PTPRG: variants seen among roughly 807,000 people sequenced by gnomAD.
The protein encoded by PTPRG is receptor-type tyrosine-protein phosphatase gamma.
PTPRG carries 102 observed loss-of-function variants against 165.3 expected under a neutral mutation model. The observed-to-expected ratio is 0.62, with a 90% CI of 0.53 to 0.73. The LOEUF is 0.73. PTPRG is among the 30% of genes least tolerant of loss of function. The pLI is 0.00. For missense variants in PTPRG, 1,866 were observed against 1,861.4 expected (o/e 1.00, Z -0.05); for synonymous variants, 675 against 669.5 (o/e 1.01, Z -0.13).
intron 4 of PTPRG, among the ~76,000 whole-genome samples, chr3:62,063,460 G>A (rs556769088): frequency 2.2e-4 from 33 of 152,242 alleles, no homozygotes; most frequent in Admixed American, 6.5e-4. Flanking sequence ...TGATTCTCTG[G>A]TGTCCTTCTG....
At chr3:62,281,332 T>TTGC (rs1702426811) in intron 26 of PTPRG, among the ~76,000 whole-genome samples, 1 of 151,952 alleles carries the variant, frequency 6.6e-6, no homozygotes. Flanking sequence ...GTGTTTCAGG[T>TTGC]TGCTACACTA....
intron 17 of PTPRG, among the ~76,000 whole-genome samples, chr3:62,267,201 A>G (rs757591258): frequency 1.6e-4 from 25 of 152,206 alleles, no homozygotes; most frequent in Non-Finnish European, 3.7e-4. Context: ...ATAGTTTTAC[A>G]TGAGTTTGCA....
At chr3:61,970,277 C>G (rs1038502963) in intron 2 of PTPRG, among the ~76,000 whole-genome samples, 3 of 152,182 alleles carry the variant, frequency 2.0e-5, no homozygotes, top group African/African-American at 4.8e-5. Context: ...ATGTTCTGAC[C>G]TCTGTCTGTG....
chr3:61,916,458 T>C (rs1227172125), intron 2 of PTPRG, among the ~76,000 whole-genome samples: 4 of 152,170 alleles, frequency 2.6e-5, no homozygotes, highest in Non-Finnish European at 5.9e-5. Flanking sequence ...TTAAAATAAA[T>C]GATTTCTAGA....
intron 2 of PTPRG, among the ~76,000 whole-genome samples, chr3:61,792,669 TTTCTTTCTTTCTTTCTTTC>T (rs1366206333): frequency 0.015 from 1 of 66 alleles, no homozygotes; most frequent in Non-Finnish European, 0.031. Flanking sequence ...TTTTGTGGGT[TTTCTTTCTTTCTTTCTTTC>T]TTTCTTTCTT....
rs1259687591 is a variant in PTPRG, at chr3:61,921,154, T to TCCTTCCTTCCTTCTTA, written c.191-68462_191-68461insCTTCTTACCTTCCTTC. Among the ~76,000 whole-genome samples, 1,132 of 150,832 alleles carry TCCTTCCTTCCTTCTTA rather than the reference T, an allele frequency of 7.5e-3. 17 individuals carry two copies. Among genetic ancestry groups the TCCTTCCTTCCTTCTTA allele is most frequent in the South Asian group, 0.05 (230 of 4,642 alleles). ...TTCCTTCCTTCCTTCCTTCCTTCCT[T>TCCTTCCTTCCTTCTTA]CCTTCCTTCTTACCTATCTACAGCT... is the stretch of plus-strand genomic sequence containing the variant. On this transcript the variant is annotated intron_variant, in intron 2 of 29. Coordinates refer to ENST00000474889, the MANE Select transcript of PTPRG (RefSeq NM_002841.4).
rs1435051451 is a variant in PTPRG at position 61,738,317 on chromosome 3, T to C, written c.86-10561T>C. On this transcript the variant is annotated intron_variant, in intron 1 of 29. Coordinates refer to ENST00000474889, the MANE Select transcript of PTPRG (RefSeq NM_002841.4). ...ATATATATATATATATATATACATATATATATATATATATATATATGTATA... is the reference window on the plus strand; with the variant it reads ...ATATATATATATATATATATACATACATATATATATATATATATATGTATA... 6.8e-4 allele frequency among the ~76,000 whole-genome samples: 71 copies of C among 104,864 alleles called. 1 individual carries two copies. Among genetic ancestry groups the C allele is most frequent in the East Asian group, 2.5e-3 (8 of 3,158 alleles). 68.8% of individuals were successfully genotyped at this position (104,864 alleles called of 152,430 possible).
chr3:62,234,886 A>G (rs911592933), intron 14 of PTPRG, among the ~76,000 whole-genome samples: 2 of 152,084 alleles, frequency 1.3e-5, no homozygotes, highest in Non-Finnish European at 2.9e-5. Flanking sequence ...TTTTAATAGT[A>G]AATTCATTTG....
intron 4 of PTPRG, among the ~76,000 whole-genome samples, chr3:62,011,163 C>T (rs546517109): frequency 6.6e-6 from 1 of 152,192 alleles, no homozygotes; most frequent in African/African-American, 2.4e-5. Flanking sequence ...GGCCCTTAGA[C>T]TGAGCTGCTT....
intron 1 of PTPRG, among the ~76,000 whole-genome samples, chr3:61,646,998 C>T (rs184724970): frequency 2.4e-4 from 37 of 152,264 alleles, no homozygotes; most frequent in Admixed American, 1.1e-3. Flanking sequence ...TTTGTTTATC[C>T]GTTCATCTGT....
intron 2 of PTPRG, among the ~76,000 whole-genome samples, chr3:61,963,418 A>G (rs1418298492): frequency 6.6e-6 from 1 of 152,314 alleles, no homozygotes; most frequent in East Asian, 1.9e-4. Flanking sequence ...TCAGAAAAAG[A>G]TGCCATATAT....
intron 14 of PTPRG, among the ~76,000 whole-genome samples, chr3:62,231,598 G>C (rs1477009831): frequency 6.6e-6 from 1 of 152,094 alleles, no homozygotes; most frequent in East Asian, 1.9e-4. Context: ...CTCTATGTTT[G>C]TGTGTCTGTA....
intron 2 of PTPRG, among the ~76,000 whole-genome samples, chr3:61,959,100 T>A (rs1156582248): frequency 6.6e-6 from 1 of 152,220 alleles, no homozygotes; most frequent in Non-Finnish European, 1.5e-5. Context: ...TTGTTCTCTT[T>A]CATTAAGTAA....
intron 5 of PTPRG, among the ~76,000 whole-genome samples, chr3:62,078,754 C>T (rs1701475670): frequency 6.6e-6 from 1 of 152,138 alleles, no homozygotes; most frequent in African/African-American, 2.4e-5. Context: ...GAACTCTTAT[C>T]CTTCTGTCCT....
At chr3:61,788,495 T>C (rs1451484740) in intron 2 of PTPRG, among the ~76,000 whole-genome samples, 2 of 152,376 alleles carry the variant, frequency 1.3e-5, no homozygotes, top group East Asian at 3.9e-4. Context: ...TTTCTCACAA[T>C]GACAAATTCT....
At position 61,897,267 on chromosome 3, in the gene PTPRG, G is replaced by A. The variant is rs140862582; in HGVS notation, c.191-92358G>A. Among the ~76,000 whole-genome samples the A allele has an allele frequency of 7.6e-3, 1,153 of 152,076 alleles. 11 individuals are homozygous for A. Among genetic ancestry groups the A allele is most frequent in the African/African-American group, 0.026 (1,058 of 41,488 alleles). ...GATGATCCATTTTGAGTTAATGTTTGTATGAGGTGTGAGGTTTAGGCTGAT... is the reference window on the plus strand; with the variant it reads ...GATGATCCATTTTGAGTTAATGTTTATATGAGGTGTGAGGTTTAGGCTGAT... On this transcript the variant is annotated intron_variant, in intron 2 of 29. Coordinates refer to ENST00000474889, the MANE Select transcript of PTPRG (RefSeq NM_002841.4).
At chr3:61,644,800 C>T (rs1268370643) in intron 1 of PTPRG, among the ~76,000 whole-genome samples, 4 of 152,162 alleles carry the variant, frequency 2.6e-5, no homozygotes, top group Admixed American at 2.6e-4. Flanking sequence ...CTTTCTGTCT[C>T]TAGTTGCTTG....
At chr3:62,250,710 A>C (rs1414874432) in intron 15 of PTPRG, among the ~76,000 whole-genome samples, 1 of 152,114 alleles carries the variant, frequency 6.6e-6, no homozygotes, top group Admixed American at 6.5e-5. Flanking sequence ...TTTATTGCCT[A>C]CAGTGTTGCA....
intron 3 of PTPRG, among the ~76,000 whole-genome samples, chr3:61,997,723 C>T (rs1457851643): frequency 6.6e-6 from 1 of 152,200 alleles, no homozygotes; most frequent in Non-Finnish European, 1.5e-5. Flanking sequence ...GATTTACCCA[C>T]CTTTTTCTGC....
Sources: allele counts gnomAD v4.1 joint callset (sites outside exome capture counted in the v4.1 genomes callset), GRCh38; gene constraint gnomAD v4.1.1; transcripts MANE v1.5; gene names NCBI Gene and HGNC (gene_info 2026-07-23, HGNC 2026-07-21).